The following GALNT18 variants were observed in gnomAD, a reference collection of about 807,000 sequenced individuals.
The protein encoded by GALNT18 is GalNAc-transferase 18.
Under a neutral mutation model 69.5 loss-of-function variants are expected in GALNT18, and 44 were observed. That is an observed-to-expected ratio of 0.63 (90% CI 0.50 to 0.81). The LOEUF is 0.81. GALNT18 is among the 40% of genes least tolerant of loss of function. GALNT18 has a pLI of 0.00. For missense variants in GALNT18, 715 were observed against 810.0 expected (o/e 0.88, Z 1.42); for synonymous variants, 364 against 318.2 (o/e 1.14, Z -1.53).
intron 6 of GALNT18, among the ~76,000 whole-genome samples, chr11:11,368,178 T>A (rs546264753): frequency 6.6e-6 from 1 of 152,360 alleles, no homozygotes; most frequent in East Asian, 1.9e-4. Flanking sequence ...AAGTCAGCTG[T>A]TATTCTAATT....
intron 4 of GALNT18, among the ~76,000 whole-genome samples, chr11:11,378,015 A>C (rs940410099): frequency 3.9e-5 from 6 of 152,264 alleles, no homozygotes; most frequent in African/African-American, 1.4e-4. Context: ...CTTCTCATTA[A>C]TAATACATTT....
chr11:11,460,432 T>C (rs1361368300), intron 1 of GALNT18, among the ~76,000 whole-genome samples: 4 of 152,162 alleles, frequency 2.6e-5, no homozygotes, highest in Admixed American at 2.6e-4. Context: ...ACCCCAACAC[T>C]CACTGAGTGT....
rs142301502 is a variant in GALNT18 at position 11,529,844 on chromosome 11, G to A, written c.236-80908C>T. 8.3e-3 allele frequency among the ~76,000 whole-genome samples: 1,258 copies of A among 152,284 alleles called. 10 individuals carry two copies. The highest frequency in any genetic ancestry group is 0.012 in the Non-Finnish European group (789 of 68,030). On this transcript the variant is annotated intron_variant, in intron 1 of 10. Coordinates refer to ENST00000227756, the MANE Select transcript of GALNT18 (RefSeq NM_198516.3). ...TATGAGTGTGTATGTGTGTGAGTGT[G>A]TACATGACTGTATGTCTTTACCCAG...
intron 6 of GALNT18, among the ~76,000 whole-genome samples, chr11:11,370,428 G>T (rs959693302): frequency 2.0e-5 from 3 of 152,164 alleles, no homozygotes; most frequent in Admixed American, 6.5e-5. Context: ...CAGTGGTTCC[G>T]TAACCCTTAA....
In GALNT18 at chr11:11,538,297, G is replaced by A. The variant is rs1284091968; in HGVS notation, c.235+83062C>T. On this transcript the variant is annotated intron_variant, in intron 1 of 10. Coordinates refer to ENST00000227756, the MANE Select transcript of GALNT18 (RefSeq NM_198516.3). The surrounding 1 kb of genome is among the most constrained non-coding windows in gnomAD (Gnocchi z 5.2). ...CCACCATCCCCAGGGCTATGATGGG[G>A]CTGGGAAGGCCACTCACTAAGGCCA... Among the ~76,000 whole-genome samples, 1 of 152,202 alleles carries A rather than the reference G, an allele frequency of 6.6e-6. No homozygotes were observed. Among genetic ancestry groups the A allele is most frequent in the South Asian group, 2.1e-4 (1 of 4,826 alleles).
intron 8 of GALNT18, among the ~76,000 whole-genome samples, chr11:11,329,402 G>C (rs886150594): frequency 6.6e-6 from 1 of 152,116 alleles, no homozygotes; most frequent in Non-Finnish European, 1.5e-5. Flanking sequence ...AAGGATGAAG[G>C]AACTGTGGTG....
At chr11:11,560,317 T>G (rs953318242) in intron 1 of GALNT18, among the ~76,000 whole-genome samples, 14 of 152,016 alleles carry the variant, frequency 9.2e-5, no homozygotes, top group African/African-American at 3.1e-4. Flanking sequence ...CAGGATATGA[T>G]AGGATGGGGT....
rs1857163613 is a variant in GALNT18 at position 11,511,451 on chromosome 11, C to A, written c.236-62515G>T. On this transcript the variant is annotated intron_variant, in intron 1 of 10. Coordinates refer to ENST00000227756, the MANE Select transcript of GALNT18 (RefSeq NM_198516.3). The surrounding 1 kb of genome is among the most constrained non-coding windows in gnomAD (Gnocchi z 4.9). Reference sequence around the variant, plus strand: ...AACAGAGCGACCCCATACATGTGATCCCCAGAATAGGCCCCAGACAATCCT... The same window carrying A: ...AACAGAGCGACCCCATACATGTGATACCCAGAATAGGCCCCAGACAATCCT... Among the ~76,000 whole-genome samples, 1 of 152,154 alleles carries A rather than the reference C, an allele frequency of 6.6e-6. No individual in the cohort carries two copies. The highest frequency in any genetic ancestry group is 1.5e-5 in the Non-Finnish European group (1 of 68,018).
At chr11:11,292,949 C>T (rs1229962635) in intron 10 of GALNT18, 80 bp downstream of exon 10, 87 of 1,272,248 alleles carry the variant, frequency 6.8e-5, no homozygotes, top group Non-Finnish European at 8.6e-5. Flanking sequence ...CCCTCTCCTC[C>T]ACCACCTCCC....
chr11:11,424,714 C>T (rs1275606176), intron 3 of GALNT18, among the ~76,000 whole-genome samples: 2 of 152,042 alleles, frequency 1.3e-5, no homozygotes, highest in East Asian at 1.9e-4. Context: ...AGCCAGGGTG[C>T]GTGGGAGCAC....
chr11:11,579,365 T>A (rs1051469417), intron 1 of GALNT18, among the ~76,000 whole-genome samples: 1 of 152,150 alleles, frequency 6.6e-6, no homozygotes, highest in Non-Finnish European at 1.5e-5. Context: ...CTGGGCTATA[T>A]GGCTTGCTCA....
At chr11:11,272,022 A>C (rs1346221365) in intron 10 of GALNT18, among the ~76,000 whole-genome samples, 3 of 152,136 alleles carry the variant, frequency 2.0e-5, no homozygotes, top group African/African-American at 7.2e-5. Flanking sequence ...CTGTCTGAGC[A>C]TCTCTGAGTT....
intron 1 of GALNT18, among the ~76,000 whole-genome samples, chr11:11,479,758 T>C (rs1432176840): frequency 1.3e-5 from 2 of 152,212 alleles, no homozygotes; most frequent in African/African-American, 4.8e-5. Context: ...CTGTAGCCTC[T>C]GGCCCCAGTC....
intron 10 of GALNT18, among the ~76,000 whole-genome samples, chr11:11,275,526 CTTTAG>C (rs1037373608): frequency 7.2e-5 from 11 of 152,176 alleles, no homozygotes; most frequent in South Asian, 2.1e-4. Context: ...TGCAGAAGCT[CTTTAG>C]TTTAATTAGA....
intron 1 of GALNT18, among the ~76,000 whole-genome samples, chr11:11,476,819 C>A (rs951349526): frequency 5.3e-5 from 8 of 152,176 alleles, no homozygotes; most frequent in Non-Finnish European, 8.8e-5. Flanking sequence ...ACTAAGGCAC[C>A]AAGATGCAAT....
intron 9 of GALNT18, among the ~76,000 whole-genome samples, chr11:11,305,837 C>T (rs1272372662): frequency 6.6e-6 from 1 of 152,204 alleles, no homozygotes; most frequent in Non-Finnish European, 1.5e-5. Flanking sequence ...CTGCTTATTA[C>T]ATGATATACA....
At chr11:11,476,942 G>C (rs1292761962) in intron 1 of GALNT18, among the ~76,000 whole-genome samples, 3 of 152,350 alleles carry the variant, frequency 2.0e-5, no homozygotes, top group Non-Finnish European at 4.4e-5. Context: ...GGACTGCATT[G>C]TTGAAGATTA....
chr11:11,532,003 C>A (rs528090515), intron 1 of GALNT18, among the ~76,000 whole-genome samples: 114 of 152,310 alleles, frequency 7.5e-4, no homozygotes, highest in African/African-American at 1.9e-3. Flanking sequence ...TGAACATATG[C>A]ATAGGATACA....
At chr11:11,345,773 T>A (rs1303991001) in intron 6 of GALNT18, among the ~76,000 whole-genome samples, 8 of 151,472 alleles carry the variant, frequency 5.3e-5, no homozygotes, top group African/African-American at 1.9e-4. Context: ...ACCAAAGGGG[T>A]GCCTGAGAAA....
Sources: allele counts gnomAD v4.1 joint callset (sites outside exome capture counted in the v4.1 genomes callset), GRCh38; gene constraint gnomAD v4.1.1; non-coding constraint Gnocchi (gnomAD v3.1); transcripts MANE v1.5; gene names NCBI Gene and HGNC (gene_info 2026-07-23, HGNC 2026-07-21).